Variants in IL1RAPL2 observed in about 807,000 individuals in gnomAD.
IL1RAPL2 encodes the protein interleukin 1 receptor accessory protein like 2, also known as X-linked interleukin-1 receptor accessory protein-like 2.
In IL1RAPL2, 3 loss-of-function variants were observed where a neutral mutation model predicts 44.1. The observed-to-expected ratio is 0.07, with a 90% CI of 0.03 to 0.18. The LOEUF is 0.18. IL1RAPL2 is among the 10% of genes least tolerant of loss of function. The pLI is 1.00. For synonymous variants in IL1RAPL2, 181 were observed against 178.8 expected (o/e 1.01, Z -0.10); for missense variants, 391 against 496.4 (o/e 0.79, Z 2.02).
At chrX:105,213,606 C>G (rs2033826172) in intron 3 of IL1RAPL2, among the ~76,000 whole-genome samples, 1 of 110,678 alleles carries the variant, frequency 9.0e-6, no homozygotes, top group African/African-American at 3.3e-5. Context: ...GGCCAACATT[C>G]AAGTTCAGGA....
intron 3 of IL1RAPL2, among the ~76,000 whole-genome samples, chrX:105,206,414 G>A (rs2033764367): frequency 9.0e-6 from 1 of 111,449 alleles, no homozygotes; most frequent in African/African-American, 3.3e-5. Flanking sequence ...GATGGAGCTG[G>A]GATTTGGAAA....
intron 2 of IL1RAPL2, among the ~76,000 whole-genome samples, chrX:105,145,046 G>A (rs1050190463): frequency 8.1e-5 from 9 of 111,411 alleles, no homozygotes; most frequent in South Asian, 3.8e-4. Flanking sequence ...GGCTGAGGAC[G>A]GATGTTCAGT....
intron 3 of IL1RAPL2, among the ~76,000 whole-genome samples, chrX:105,226,888 G>A (rs2034021180): frequency 9.1e-6 from 1 of 110,457 alleles, no homozygotes; most frequent in Non-Finnish European, 1.9e-5. Flanking sequence ...CAAGCAGTAA[G>A]CTACTCAAGT....
At chrX:105,350,862 T>G (rs1266496877) in intron 5 of IL1RAPL2, among the ~76,000 whole-genome samples, 1 of 111,852 alleles carries the variant, frequency 8.9e-6, no homozygotes, top group Admixed American at 9.5e-5. Context: ...GAGAACATGT[T>G]TTGCAATCTA....
At chrX:105,005,003 C>A (rs2030915972) in intron 2 of IL1RAPL2, among the ~76,000 whole-genome samples, 1 of 110,965 alleles carries the variant, frequency 9.0e-6, no homozygotes. Flanking sequence ...GAAATTAAAT[C>A]CCCCACGTAT....
chrX:105,425,881 C>T (rs180938903), intron 5 of IL1RAPL2, among the ~76,000 whole-genome samples: 3 of 110,367 alleles, frequency 2.7e-5, no homozygotes, highest in Admixed American at 9.7e-5. Context: ...AACAAACCAG[C>T]CTGACTAAGC....
At chrX:104,657,421 T>C (rs1347178557) in intron 1 of IL1RAPL2, among the ~76,000 whole-genome samples, 1 of 111,660 alleles carries the variant, frequency 9.0e-6, no homozygotes, top group African/African-American at 3.3e-5. Flanking sequence ...GCTAGCCATA[T>C]GTAGAAAGTT....
intron 2 of IL1RAPL2, among the ~76,000 whole-genome samples, chrX:105,120,790 G>A (rs1009521921): frequency 1.8e-5 from 2 of 112,257 alleles, no homozygotes; most frequent in African/African-American, 3.2e-5. Context: ...CAGATTTGCA[G>A]TAAAATCCTG....
intron 2 of IL1RAPL2, among the ~76,000 whole-genome samples, chrX:104,961,818 C>A (rs1291776334): frequency 9.0e-6 from 1 of 111,641 alleles, no homozygotes; most frequent in African/African-American, 3.3e-5. Context: ...AGAATAGGCA[C>A]TCAAAAAAGT....
chrX:104,908,351 G>T (rs924263150), intron 2 of IL1RAPL2, among the ~76,000 whole-genome samples: 18 of 111,279 alleles, frequency 1.6e-4, no homozygotes, highest in African/African-American at 5.9e-4. Flanking sequence ...TCATTATGAT[G>T]TTAGCTGGTT....
intron 2 of IL1RAPL2, among the ~76,000 whole-genome samples, chrX:104,986,369 T>C (rs935238606): frequency 8.9e-6 from 1 of 112,340 alleles, no homozygotes; most frequent in Admixed American, 9.5e-5. Flanking sequence ...ACACATTAAG[T>C]ATCCAATAAA....
intron 2 of IL1RAPL2, among the ~76,000 whole-genome samples, chrX:104,817,428 G>A (rs1921166975): frequency 8.9e-6 from 1 of 112,040 alleles, no homozygotes; most frequent in African/African-American, 3.3e-5. Flanking sequence ...ATGGAACTGT[G>A]AGAAAGGAGG....
At chrX:105,754,187 G>A (rs1259495092) in intron 9 of IL1RAPL2, among the ~76,000 whole-genome samples, 5 of 112,146 alleles carry the variant, frequency 4.5e-5, no homozygotes, top group East Asian at 2.8e-4. Context: ...CTGGGTTTAC[G>A]AATAGTTCAC....
chrX:105,231,297 G>A (rs1358496532), intron 3 of IL1RAPL2, among the ~76,000 whole-genome samples: 1 of 111,963 alleles, frequency 8.9e-6, no homozygotes, highest in East Asian at 2.8e-4. Flanking sequence ...TTGCCAATAT[G>A]CTGCTGCACA....
At chrX:104,595,638 G>A (rs1892559799) in intron 1 of IL1RAPL2, among the ~76,000 whole-genome samples, 1 of 111,552 alleles carries the variant, frequency 9.0e-6, no homozygotes, top group African/African-American at 3.3e-5. Context: ...ATACCATTAG[G>A]AATTAAAAGA....
At chrX:105,032,902 G>T (rs1262838885) in intron 2 of IL1RAPL2, among the ~76,000 whole-genome samples, 1 of 111,499 alleles carries the variant, frequency 9.0e-6, no homozygotes, top group Non-Finnish European at 1.9e-5. Context: ...TTATGAATCT[G>T]GGTGCTCCAG....
At position 104,824,398 on chromosome X, in the gene IL1RAPL2, C is replaced by A. The variant is rs753371963; in HGVS notation, c.82+165403C>A. On this transcript the variant is annotated intron_variant, in intron 2 of 10. Transcript: ENST00000372582. ...GGTTTTGGTAACAATATGATGCTGA[C>A]CTCATAAAATGAGTTAAGGAGGAGT... Among the ~76,000 whole-genome samples the A allele has an allele frequency of 3.5e-3, 393 of 111,753 alleles. 1 individual carries two copies. Among genetic ancestry groups the A allele is most frequent in the Non-Finnish European group, 6.1e-3 (325 of 53,200 alleles).
intron 6 of IL1RAPL2, among the ~76,000 whole-genome samples, chrX:105,640,728 A>G (rs1376165517): frequency 1.1e-5 from 1 of 87,313 alleles, no homozygotes; most frequent in African/African-American, 4.0e-5. Context: ...ACACATATCT[A>G]TATATATAGA....
At chrX:105,012,751 G>T (rs922574862) in intron 2 of IL1RAPL2, among the ~76,000 whole-genome samples, 2 of 109,009 alleles carry the variant, frequency 1.8e-5, no homozygotes, top group African/African-American at 3.3e-5. Context: ...TCAACAAAGG[G>T]TAAGTTAGGT....
Sources: gnomAD v4.1 joint callset for allele counts (sites outside exome capture counted in the v4.1 genomes callset) on GRCh38, gnomAD v4.1.1 for gene constraint, MANE v1.5 for transcripts, NCBI Gene and HGNC (gene_info 2026-07-23, HGNC 2026-07-21) for gene names.